Variants in XPO7 observed in about 807,000 individuals in gnomAD.
XPO7 encodes exportin-7.
A neutral mutation model predicts 144.3 loss-of-function variants in XPO7; 21 were observed. The ratio of observed to expected loss-of-function variants is 0.15; its 90% CI spans 0.10 to 0.21. The LOEUF is 0.21. XPO7 is among the 10% of genes least tolerant of loss of function. XPO7 has a pLI of 1.00. For missense variants in XPO7, 808 were observed against 1,325.8 expected (o/e 0.61, Z 6.06); for synonymous variants, 580 against 499.6 (o/e 1.16, Z -2.15).
Position 21,971,151 on chromosome 8 carries a change from C to A in XPO7, c.427-725C>A, listed in dbSNP as rs537960113. On this transcript the variant is annotated intron_variant, in intron 4 of 27. Coordinates refer to ENST00000252512, the MANE Select transcript of XPO7 (RefSeq NM_015024.5). Reference sequence around the variant, plus strand: ...TAGTCACGTGGTGTACAAGTTTGTGCCTAGGAACAATAGCCTGTACCATAC... The same window carrying A: ...TAGTCACGTGGTGTACAAGTTTGTGACTAGGAACAATAGCCTGTACCATAC... 2.6e-5 allele frequency among the ~76,000 whole-genome samples: 4 copies of A among 152,280 alleles called. No individual in the cohort carries two copies. The South Asian group carries it at 8.3e-4, about 32-fold the overall frequency.
intron 19 of XPO7, among the ~76,000 whole-genome samples, chr8:21,992,582 T>C: frequency 6.6e-6 from 1 of 152,152 alleles, no homozygotes. Context: ...AGAGTCTGAC[T>C]CTCTTGCCCA....
chr8:21,990,114 G>A (rs1390596184), intron 16 of XPO7, among the ~76,000 whole-genome samples: 1 of 151,984 alleles, frequency 6.6e-6, no homozygotes, highest in Non-Finnish European at 1.5e-5. Context: ...CTCTCAAAGT[G>A]CTGGGATTAC....
intron 1 of XPO7, among the ~76,000 whole-genome samples, chr8:21,940,053 C>T (rs892321251): frequency 6.6e-6 from 1 of 152,178 alleles, no homozygotes; most frequent in African/African-American, 2.4e-5. Flanking sequence ...TCTTCACACT[C>T]CTAAATCTAA....
chr8:21,947,355 C>G (rs1488480049), intron 1 of XPO7, among the ~76,000 whole-genome samples: 3 of 151,788 alleles, frequency 2.0e-5, no homozygotes, highest in Non-Finnish European at 4.4e-5. Flanking sequence ...CAAAAACAAG[C>G]AAAAACATCT....
At chr8:21,927,342 T>G (rs1465347147) in intron 1 of XPO7, among the ~76,000 whole-genome samples, 1 of 152,190 alleles carries the variant, frequency 6.6e-6, no homozygotes, top group Non-Finnish European at 1.5e-5. Context: ...TTCTTGGAAT[T>G]CTACAGTTAG....
intron 1 of XPO7, among the ~76,000 whole-genome samples, chr8:21,965,705 C>A (rs942422987): frequency 1.3e-5 from 2 of 152,166 alleles, no homozygotes; most frequent in East Asian, 3.9e-4. Context: ...TGAATCCTGC[C>A]CCAAAGGCTT....
rs565154025 is a variant in XPO7, at chr8:21,984,062, G to A, written c.1278-584G>A. Among the ~76,000 whole-genome samples the A allele has an allele frequency of 1.5e-4, 23 of 152,278 alleles. No individual in the cohort carries two copies. The East Asian group carries it at 1.5e-3, about 10-fold the overall frequency. Reference sequence around the variant, plus strand: ...ATTAGAATTCACTTGTTACAAAACCGGACGGGAGTTGGTATGAGACCATTT... The same window carrying A: ...ATTAGAATTCACTTGTTACAAAACCAGACGGGAGTTGGTATGAGACCATTT... On this transcript the variant is annotated intron_variant, in intron 11 of 27. Coordinates refer to ENST00000252512, the MANE Select transcript of XPO7 (RefSeq NM_015024.5).
chr8:21,933,830 G>GA (rs1052315762), intron 1 of XPO7, among the ~76,000 whole-genome samples: 3 of 152,092 alleles, frequency 2.0e-5, no homozygotes, highest in Non-Finnish European at 2.9e-5. Flanking sequence ...TTTAAGCTAG[G>GA]AAAAAATCTT....
At chr8:21,937,485 G>C (rs1218863861) in intron 1 of XPO7, among the ~76,000 whole-genome samples, 1 of 152,290 alleles carries the variant, frequency 6.6e-6, no homozygotes, top group East Asian at 1.9e-4. Flanking sequence ...GACTGTGCTT[G>C]TCTAGTTTCC....
chr8:21,984,459 T>A (rs1278599779), intron 11 of XPO7, among the ~76,000 whole-genome samples, 187 bp from the exon 12 acceptor site: 1 of 152,178 alleles, frequency 6.6e-6, no homozygotes, highest in Admixed American at 6.5e-5. Flanking sequence ...TAAGGGAGAC[T>A]GATGCTAGGG....
chr8:21,927,480 G>A (rs1044509626), intron 1 of XPO7, among the ~76,000 whole-genome samples: 2 of 151,174 alleles, frequency 1.3e-5, no homozygotes, highest in African/African-American at 4.9e-5. Flanking sequence ...GGTTCCCAAA[G>A]GCACATTTCG....
intron 1 of XPO7, among the ~76,000 whole-genome samples, chr8:21,949,856 A>C (rs1265490348): frequency 1.3e-5 from 2 of 152,166 alleles, no homozygotes; most frequent in East Asian, 3.9e-4. Flanking sequence ...TAGCCTCCCG[A>C]ATAGCTGGAA....
At chr8:21,957,871 C>G (rs1472333884) in intron 1 of XPO7, among the ~76,000 whole-genome samples, 1 of 151,890 alleles carries the variant, frequency 6.6e-6, no homozygotes, top group Admixed American at 6.6e-5. Context: ...CTGTAAGGTC[C>G]TTTCCGGGTT....
intron 1 of XPO7, among the ~76,000 whole-genome samples, chr8:21,928,806 A>G (rs1810544485): frequency 6.6e-6 from 1 of 152,242 alleles, no homozygotes; most frequent in Non-Finnish European, 1.5e-5. Context: ...TAATTATATG[A>G]AATTCTGATT....
intron 1 of XPO7, among the ~76,000 whole-genome samples, chr8:21,955,477 C>T (rs1811505805): frequency 6.6e-6 from 1 of 152,142 alleles, no homozygotes; most frequent in African/African-American, 2.4e-5. Flanking sequence ...AATTCTCATC[C>T]AGGTATTCTG....
intron 1 of XPO7, among the ~76,000 whole-genome samples, chr8:21,938,634 A>G (rs1316480160): frequency 1.3e-5 from 2 of 152,222 alleles, no homozygotes; most frequent in African/African-American, 4.8e-5. Context: ...CGATTAAATT[A>G]TAACTACTTG....
chr8:21,930,873 G>T (rs1398085295), intron 1 of XPO7, among the ~76,000 whole-genome samples: 1 of 152,140 alleles, frequency 6.6e-6, no homozygotes, highest in African/African-American at 2.4e-5. Flanking sequence ...AGATACTGTT[G>T]CCCAAGCTAG....
At chr8:21,966,104 A>G in intron 1 of XPO7, 1 of 613,416 alleles carries the variant, frequency 1.6e-6, no homozygotes, top group Non-Finnish European at 2.9e-6. Flanking sequence ...GCACACACCC[A>G]TACCCCTTCC....
At chr8:21,976,859 A>G (rs948598911) in intron 7 of XPO7, among the ~76,000 whole-genome samples, 5 of 152,080 alleles carry the variant, frequency 3.3e-5, no homozygotes, top group Non-Finnish European at 5.9e-5. Flanking sequence ...GGGTCTAACA[A>G]TGTTGCCCAA....
Sources: allele counts gnomAD v4.1 joint callset (sites outside exome capture counted in the v4.1 genomes callset), GRCh38; gene constraint gnomAD v4.1.1; transcripts MANE v1.5; gene names NCBI Gene and HGNC (gene_info 2026-07-23, HGNC 2026-07-21).